The following ITPR1 variants were observed in gnomAD, a reference collection of about 807,000 sequenced individuals.
ITPR1 encodes the protein inositol 1,4,5-trisphosphate receptor type 1, also known as inositol 1,4,5-trisphosphate-gated calcium channel ITPR1.
In ITPR1, 96 loss-of-function variants were observed where a neutral mutation model predicts 318.4. That is an observed-to-expected ratio of 0.30 (90% confidence interval 0.26 to 0.36). The LOEUF is 0.36. Among genes scored for constraint, ITPR1 ranks in the 10% least tolerant of loss-of-function variants. The pLI, the probability that ITPR1 is intolerant of heterozygous loss-of-function variation, is 1.00. For missense variants in ITPR1, 2,440 were observed against 3,460.2 expected (o/e 0.71, Z 7.40); for synonymous variants, 1,312 against 1,289.9 (o/e 1.02, Z -0.37).
At position 4,782,697 on chromosome 3, in the gene ITPR1, T is replaced by C; in HGVS notation, c.6466T>C (p.Ser2156Pro). ...DGENGEDGAA[S>P]PRNVGHNIYI... ...AGAAAACGGTGAGGATGGGGCGGCG[T>C]CCCCCAGGAACGTGGGGCACAACAT... Residue 2156 changes from serine (S) to proline (P), a missense_variant, in exon 50 of 62, where the codon TCC (serine) becomes CCC (proline). Ser to Pro is a moderately conservative substitution (Grantham distance 74). Around this residue, in one of 23 missense-constraint regions of ITPR1, gnomAD observed 115 missense variants for 204.5 expected, o/e 0.56. Coordinates refer to ENST00000649015, the MANE Select transcript of ITPR1 (RefSeq NM_001378452.1). 1 of 1,594,476 alleles carries C rather than the reference T, an allele frequency of 6.3e-7. No individual in the cohort carries two copies. The highest frequency in any genetic ancestry group is 8.5e-7 in the Non-Finnish European group (1 of 1,169,712).
intron 60 of ITPR1, chr3:4,825,915 G>A (rs555687649): frequency 5.2e-6 from 2 of 387,116 alleles, no homozygotes; most frequent in Admixed American, 3.3e-5. Flanking sequence ...GGAAAAGATG[G>A]TGGCAGCAGT....
At chr3:4,731,733 C>T (rs953252438) in intron 42 of ITPR1, among the ~76,000 whole-genome samples, 11 of 152,178 alleles carry the variant, frequency 7.2e-5, no homozygotes, top group Admixed American at 3.9e-4. Context: ...CTCCTTTCCT[C>T]CTTGGTCCCC....
chr3:4,832,630 G>A lies in ITPR1; in HGVS notation c.8029-4144G>A, dbSNP rs181123618. 5.2e-4 allele frequency among the ~76,000 whole-genome samples: 79 copies of A among 152,122 alleles called. 1 individual carries two copies. Among genetic ancestry groups the A allele is most frequent in the Middle Eastern group, 3.4e-3 (1 of 294 alleles). On this transcript the variant is annotated intron_variant, in intron 60 of 61. Transcript: ENST00000649015. ...AGCCTGGGTGACACACCAAGACTCC[G>A]TCTCAAAAAAATAAATTGACCTTTC...
intron 31 of ITPR1, among the ~76,000 whole-genome samples, chr3:4,688,906 A>G (rs115923193): frequency 0.014 from 2,134 of 152,322 alleles, 55 homozygotes; most frequent in African/African-American, 0.048. Flanking sequence ...AACTTCAGCA[A>G]TATAGAAGTG....
At chr3:4,771,342 T>A (rs925243583) in intron 46 of ITPR1, among the ~76,000 whole-genome samples, 1 of 152,178 alleles carries the variant, frequency 6.6e-6, no homozygotes, top group Non-Finnish European at 1.5e-5. Context: ...TCTGAGCTTA[T>A]GAAACTCAAG....
chr3:4,747,388 G>T (rs191217900), intron 44 of ITPR1, among the ~76,000 whole-genome samples: 7 of 152,326 alleles, frequency 4.6e-5, no homozygotes, highest in Admixed American at 3.3e-4. Context: ...TTTTCTGCCA[G>T]AACGTGAGTT....
chr3:4,578,866 C>T (rs908167113), intron 4 of ITPR1, among the ~76,000 whole-genome samples: 4 of 152,148 alleles, frequency 2.6e-5, no homozygotes, highest in Admixed American at 1.3e-4. Context: ...ACATAGCAAA[C>T]GAAGTAAACA....
At chr3:4,626,340 A>G (rs2092827404) in intron 4 of ITPR1, among the ~76,000 whole-genome samples, 2 of 152,214 alleles carry the variant, frequency 1.3e-5, no homozygotes, top group South Asian at 2.1e-4. Flanking sequence ...TGATGGTTTC[A>G]TATTATCATT....
intron 32 of ITPR1, among the ~76,000 whole-genome samples, chr3:4,691,894 G>A (rs893546687): frequency 2.0e-5 from 3 of 152,220 alleles, no homozygotes; most frequent in African/African-American, 7.2e-5. Context: ...GCTCATGCCT[G>A]TAATCCCAGC....
chr3:4,694,026 A>G (rs2094519271), intron 33 of ITPR1, among the ~76,000 whole-genome samples: 1 of 152,262 alleles, frequency 6.6e-6, no homozygotes, highest in African/African-American at 2.4e-5. Context: ...CAAAGGGGAT[A>G]TGACCTGAAT....
chr3:4,664,813 G>A (rs2093911988), intron 16 of ITPR1, among the ~76,000 whole-genome samples: 1 of 152,206 alleles, frequency 6.6e-6, no homozygotes, highest in East Asian at 1.9e-4. Context: ...GGTTTACTTT[G>A]ACTGTAATCT....
intron 61 of ITPR1, among the ~76,000 whole-genome samples, chr3:4,844,494 T>TC (rs2051609448): frequency 2.0e-5 from 3 of 152,154 alleles, no homozygotes; most frequent in Non-Finnish European, 4.4e-5. Context: ...TTGTATTGGA[T>TC]TCCCTCTCAA....
At chr3:4,753,227 G>A (rs746039) in intron 44 of ITPR1, among the ~76,000 whole-genome samples, 125,433 of 151,918 alleles carry the variant, frequency 0.83, 51,915 homozygotes, top group East Asian at 0.99. Context: ...TGCTCCACCA[G>A]GGTGATGGGC....
chr3:4,733,006 G>C (rs1218180628), intron 42 of ITPR1, 82 bp from the exon 43 acceptor site: 3 of 1,388,868 alleles, frequency 2.2e-6, no homozygotes, highest in Non-Finnish European at 3.0e-6. Context: ...TTATAACTGA[G>C]TACCCCTGTG....
rs148980323 is a variant in ITPR1 at position 4,776,618 on chromosome 3, A to G, written c.6181-646A>G. On this transcript the variant is annotated intron_variant, in intron 47 of 61. Transcript: ENST00000649015. ...TGCACTTTCTTCTCCCGGTTCCCTC[A>G]TGAAGCAGATGGTGTAGTCCTAGTT... 3.2e-3 allele frequency among the ~76,000 whole-genome samples: 482 copies of G among 152,356 alleles called. 4 individuals are homozygous for G. The highest frequency in any genetic ancestry group is 0.011 in the African/African-American group (454 of 41,584).
chr3:4,666,961 T>C (rs541052402), intron 17 of ITPR1, among the ~76,000 whole-genome samples: 1 of 152,322 alleles, frequency 6.6e-6, no homozygotes, highest in Non-Finnish European at 1.5e-5. Flanking sequence ...GTAACATTGT[T>C]CCAGATCTCC....
intron 4 of ITPR1, chr3:4,596,104 C>T (rs767858431): frequency 6.6e-6 from 1 of 152,158 alleles, no homozygotes; most frequent in Admixed American, 6.5e-5. Context: ...CAGACAAATG[C>T]TCTTCTCAAA....
At chr3:4,600,291 C>T (rs1032512961) in intron 4 of ITPR1, among the ~76,000 whole-genome samples, 3 of 152,110 alleles carry the variant, frequency 2.0e-5, no homozygotes, top group Non-Finnish European at 4.4e-5. Context: ...TTCTACACAT[C>T]CCTCAAGTTC....
At chr3:4,584,032 T>A (rs1437636624) in intron 4 of ITPR1, among the ~76,000 whole-genome samples, 2 of 152,210 alleles carry the variant, frequency 1.3e-5, no homozygotes, top group African/African-American at 2.4e-5. Flanking sequence ...ATTATCCTTT[T>A]CATTTCTGCA....
Sources: allele counts gnomAD v4.1 joint callset (sites outside exome capture counted in the v4.1 genomes callset), GRCh38; gene constraint gnomAD v4.1.1; regional missense constraint gnomAD v4.1.1; transcripts MANE v1.5; gene names NCBI Gene and HGNC (gene_info 2026-07-23, HGNC 2026-07-21).